The following SGCD variants were observed in gnomAD, a reference collection of about 807,000 sequenced individuals.
SGCD encodes delta-sarcoglycan.
Under a neutral mutation model 36.6 loss-of-function variants are expected in SGCD, and 18 were observed. That is an observed-to-expected ratio of 0.49 (90% confidence interval 0.34 to 0.73). The LOEUF is 0.73. SGCD is among the 30% of genes least tolerant of loss of function. The pLI, the probability that SGCD is intolerant of heterozygous loss-of-function variation, is 0.01. For synonymous variants in SGCD, 133 were observed against 130.6 expected (o/e 1.02, Z -0.12); for missense variants, 387 against 346.7 (o/e 1.12, Z -0.92).
At chr5:156,577,343 A>G (rs1264188953) in intron 4 of SGCD, among the ~76,000 whole-genome samples, 3 of 152,192 alleles carry the variant, frequency 2.0e-5, no homozygotes, top group African/African-American at 7.2e-5. Flanking sequence ...GTTTGAAGTC[A>G]GGTAAAGTGA....
At chr5:156,726,576 A>G (rs1360071115) in intron 7 of SGCD, among the ~76,000 whole-genome samples, 2 of 152,070 alleles carry the variant, frequency 1.3e-5, no homozygotes, top group Non-Finnish European at 2.9e-5. Context: ...CTAATGGCCT[A>G]TTCACCCCTC....
chr5:155,843,757 G>C, the SGCD span, among the ~76,000 whole-genome samples: 7 of 152,188 alleles, frequency 4.6e-5, no homozygotes, highest in African/African-American at 1.4e-4. Flanking sequence ...GAGTAGGGGG[G>C]CTACAGCTAG....
At chr5:156,037,090 T>C (rs1759517654) in intron 1 of SGCD, among the ~76,000 whole-genome samples, 1 of 152,188 alleles carries the variant, frequency 6.6e-6, no homozygotes, top group Non-Finnish European at 1.5e-5. Flanking sequence ...TGCTCAGTAA[T>C]TTTTAGGTGA....
At chr5:156,504,331 C>T (rs1289872275) in intron 3 of SGCD, among the ~76,000 whole-genome samples, 1 of 149,574 alleles carries the variant, frequency 6.7e-6, no homozygotes, top group Non-Finnish European at 1.5e-5. Context: ...GAATTTTTCT[C>T]CAATAAAATT....
chr5:156,650,803 A>G (rs1763429313), intron 7 of SGCD, among the ~76,000 whole-genome samples: 1 of 152,078 alleles, frequency 6.6e-6, no homozygotes, highest in Non-Finnish European at 1.5e-5. Flanking sequence ...ACAAGTGCCT[A>G]TGTCATTTTG....
At chr5:156,486,963 C>G (rs1755699530) in intron 3 of SGCD, among the ~76,000 whole-genome samples, 1 of 152,134 alleles carries the variant, frequency 6.6e-6, no homozygotes, top group South Asian at 2.1e-4. Flanking sequence ...CACCCAGATG[C>G]TTGAGGACCC....
intron 7 of SGCD, among the ~76,000 whole-genome samples, chr5:156,694,676 A>C (rs1166976053): frequency 6.6e-6 from 1 of 152,226 alleles, no homozygotes; most frequent in Non-Finnish European, 1.5e-5. Flanking sequence ...TAATTAAAAC[A>C]TCATTCTCCA....
the SGCD span, among the ~76,000 whole-genome samples, chr5:155,769,894 C>T: frequency 6.6e-6 from 1 of 152,124 alleles, no homozygotes; most frequent in Non-Finnish European, 1.5e-5. Flanking sequence ...CCAATTCTGT[C>T]CTTTCCTACG....
At chr5:156,223,007 A>G (rs1764757124) in intron 3 of SGCD, among the ~76,000 whole-genome samples, 1 of 152,098 alleles carries the variant, frequency 6.6e-6, no homozygotes, top group Non-Finnish European at 1.5e-5. Context: ...CCCAACAACC[A>G]TACATACTAT....
At position 156,137,770 on chromosome 5, in the gene SGCD, G is replaced by A. The variant is rs1410298659; in HGVS notation, c.-44+13751G>A. Among the ~76,000 whole-genome samples the A allele has an allele frequency of 2.6e-5, 4 of 152,214 alleles. No individual in the cohort carries two copies. In the East Asian group the frequency reaches 5.8e-4, roughly 22 times the overall value. The stretch of plus-strand genomic sequence containing the variant: ...TGGGGCCGGCAGCATTACTGGTTCA[G>A]TGGTAGAATTCCTGCCTGCCAAATA... On this transcript the variant is annotated intron_variant, in intron 3 of 9. Transcript: ENST00000517913.
chr5:156,702,593 G>A (rs1754569379), intron 7 of SGCD, among the ~76,000 whole-genome samples: 1 of 152,104 alleles, frequency 6.6e-6, no homozygotes, highest in African/African-American at 2.4e-5. Context: ...TCATCAGGAA[G>A]CTGCCAAGTC....
intron 1 of SGCD, among the ~76,000 whole-genome samples, chr5:155,919,505 G>A (rs188148988): frequency 3.0e-4 from 46 of 151,970 alleles, no homozygotes; most frequent in African/African-American, 8.2e-4. Flanking sequence ...GATTCCTCTC[G>A]GGTAAACTGC....
intron 1 of SGCD, among the ~76,000 whole-genome samples, chr5:155,941,580 T>C (rs1757328472): frequency 6.6e-6 from 1 of 151,336 alleles, no homozygotes; most frequent in Non-Finnish European, 1.5e-5. Context: ...ATAATCAATA[T>C]TATTTAAATA....
chr5:156,765,666 G>A lies in SGCD; in HGVS notation c.*6276G>A, dbSNP rs1757574479. 1 of 152,080 alleles carries A rather than the reference G, an allele frequency of 6.6e-6. No individual in the cohort carries two copies. The highest frequency in any genetic ancestry group is 2.1e-4 in the South Asian group (1 of 4,822). 9.4% of individuals were successfully genotyped at this position (152,080 alleles called of 1,614,324 possible). A position where few individuals can be genotyped will look rare whatever the true frequency, so the allele number is the denominator to read the frequency against. On this transcript the variant is annotated 3_prime_UTR_variant, in exon 9 of 9. Coordinates refer to ENST00000337851, the MANE Select transcript of SGCD (RefSeq NM_000337.6). ...ATCCTTTGAGTTGGGTTTTAATATA[G>A]TTCCAATATTCGGATGTGAAAACTG...
At chr5:156,595,092 T>C in intron 6 of SGCD, 41 bp downstream of exon 6, 1 of 1,578,934 alleles carries the variant, frequency 6.3e-7, no homozygotes, top group Non-Finnish European at 8.6e-7. Flanking sequence ...GATGCTACTG[T>C]GTACATTTTA....
chr5:156,313,882 C>A lies in SGCD; in HGVS notation c.-43-15652C>A, dbSNP rs1431344093. ...TTTGTAAAAATGCTGTTCATTTTAG[C>A]TTCCTGAAAATATGCATAAAAATGC... On this transcript the variant is annotated intron_variant, in intron 3 of 9. Transcript: ENST00000517913. Among the ~76,000 whole-genome samples the A allele has an allele frequency of 2.0e-5, 3 of 152,022 alleles. No homozygotes were observed. In the East Asian group the frequency reaches 5.8e-4, roughly 29 times the overall value.
chr5:156,548,819 G>T (rs1246672070), intron 4 of SGCD, among the ~76,000 whole-genome samples: 3 of 152,162 alleles, frequency 2.0e-5, no homozygotes, highest in African/African-American at 7.2e-5. Context: ...AAAAGGAAAA[G>T]GAGAGCTCTG....
At chr5:156,325,899 T>G (rs1014173584), upstream of SGCD, among the ~76,000 whole-genome samples, 8 of 152,160 alleles carry the variant, frequency 5.3e-5, no homozygotes, top group Admixed American at 3.9e-4. Context: ...CTGCTCAAAG[T>G]GCCCAGTGTA....
chr5:156,207,259 AAATACATACAAG>A (rs2127639454), intron 3 of SGCD, among the ~76,000 whole-genome samples: 1 of 152,266 alleles, frequency 6.6e-6, no homozygotes, highest in Non-Finnish European at 1.5e-5. Context: ...ATAATTTTTA[AAATACATACAAG>A]TTGTAATAGG....
Sources: allele counts gnomAD v4.1 joint callset (sites outside exome capture counted in the v4.1 genomes callset), GRCh38; gene constraint gnomAD v4.1.1; transcripts MANE v1.5; gene names NCBI Gene and HGNC (gene_info 2026-07-23, HGNC 2026-07-21).